The following PCDHA6 variants were observed in gnomAD, a reference collection of about 807,000 sequenced individuals.
PCDHA6 encodes the protein protocadherin alpha 6, also known as protocadherin alpha-6.
PCDHA6 carries 55 observed loss-of-function variants against 60.3 expected under a neutral mutation model. The ratio of observed to expected loss-of-function variants is 0.91; its 90% CI spans 0.73 to 1.14. The LOEUF is 1.14. PCDHA6 is among the 50% of genes most tolerant of loss of function. The pLI, the probability that PCDHA6 is intolerant of heterozygous loss-of-function variation, is 0.00. For missense variants in PCDHA6, 1,327 were observed against 1,256.5 expected (o/e 1.06, Z -0.85); for synonymous variants, 652 against 557.9 (o/e 1.17, Z -2.38).
At position 140,856,153 on chromosome 5, in the gene PCDHA6, C is replaced by G. The variant is rs1554148270; in HGVS notation, c.2394+25668C>G. 8 of 1,598,310 alleles carry G rather than the reference C, an allele frequency of 5.0e-6. 1 individual carries two copies. Among genetic ancestry groups the G allele is most frequent in the Non-Finnish European group, 6.9e-6 (8 of 1,167,862 alleles). On this transcript the variant is annotated intron_variant, in intron 1 of 3. Transcript: ENST00000529310. The stretch of plus-strand genomic sequence containing the variant: ...GCGGCCAGCTCCACTACTCAGTCTA[C>G]GAGGAGGCCAGACACGGCACCTTCG...
rs1215014992 is a variant in PCDHA6, at chr5:140,859,892, AT to A, written c.2394+29408del. 2.6e-5 allele frequency: 4 copies of A among 152,144 alleles called. No individual in the cohort carries two copies. The East Asian group carries it at 7.7e-4, about 29-fold the overall frequency. The allele number at this position is 152,144 out of a possible 1,614,324, so 9.4% of individuals were successfully genotyped here. On this transcript the variant is annotated intron_variant, in intron 1 of 3. Transcript: ENST00000529310. ...TCCCCCTCTGATATTTTGAAAAAAAATCTTCCTTAATGTCTTATATTATAAG... is the reference window on the plus strand; with the variant it reads ...TCCCCCTCTGATATTTTGAAAAAAAACTTCCTTAATGTCTTATATTATAAG...
At chr5:140,871,427 T>G (rs782140666) in intron 1 of PCDHA6, 3 of 1,613,326 alleles carry the variant, frequency 1.9e-6, no homozygotes, top group Non-Finnish European at 2.5e-6. Context: ...AGCCCCAGTC[T>G]TCCTCTAGGT....
intron 1 of PCDHA6, chr5:140,856,464 T>C (rs2044012633): frequency 1.3e-6 from 2 of 1,598,082 alleles, no homozygotes; most frequent in Non-Finnish European, 1.7e-6. Flanking sequence ...GAACAAAAGC[T>C]CTCAATACCT....
chr5:140,883,761 G>C, intron 1 of PCDHA6: 1 of 1,612,908 alleles, frequency 6.2e-7, no homozygotes, highest in Non-Finnish European at 8.5e-7. Flanking sequence ...GTGGAGCGGC[G>C]GGTGGGCGAG....
At chr5:140,838,074 TATAGTGTG>T (rs1468306192) in intron 1 of PCDHA6, among the ~76,000 whole-genome samples, 3 of 120,528 alleles carry the variant, frequency 2.5e-5, no homozygotes, top group Non-Finnish European at 3.4e-5. Context: ...GTTATATATA[TATAGTGTG>T]TGTGTGTGTG....
chr5:140,898,817 C>T (rs1381051036), intron 1 of PCDHA6, among the ~76,000 whole-genome samples: 1 of 151,766 alleles, frequency 6.6e-6, no homozygotes, highest in Admixed American at 6.6e-5. Context: ...TCTTCCTACC[C>T]ATGAGCATGG....
At chr5:140,842,503 C>T (rs2150337582) in intron 1 of PCDHA6, 40 of 1,613,818 alleles carry the variant, frequency 2.5e-5, no homozygotes, top group South Asian at 2.0e-4. Context: ...CCCATGTCCC[C>T]TTCAAGCTGG....
intron 1 of PCDHA6, among the ~76,000 whole-genome samples, chr5:140,831,468 T>C (rs1272624031): frequency 7.9e-6 from 1 of 126,066 alleles, no homozygotes; most frequent in African/African-American, 3.3e-5. Flanking sequence ...CAAGTGATTC[T>C]CTCACCTCAG....
chr5:140,892,555 T>C (rs1554185273), intron 1 of PCDHA6, among the ~76,000 whole-genome samples: 1 of 152,260 alleles, frequency 6.6e-6, no homozygotes, highest in African/African-American at 2.4e-5. Context: ...TCTCTAGTCC[T>C]TGGAGACTGT....
rs375481139 is a variant in PCDHA6 at position 140,894,977 on chromosome 5, C to T, written c.2394+64492C>T. ...AAAAATATAATTTTTTAATGTCTTA[C>T]TTTGTGACATCCTTTACCCTTTTTA... On this transcript the variant is annotated intron_variant, in intron 1 of 3. Coordinates refer to ENST00000529310, the MANE Select transcript of PCDHA6 (RefSeq NM_018909.4). Among the ~76,000 whole-genome samples the T allele has an allele frequency of 4.5e-4, 69 of 152,216 alleles. No homozygotes were observed. The South Asian group carries it at 0.014, about 30-fold the overall frequency.
At chr5:140,853,944 G>C (rs2042918286) in intron 1 of PCDHA6, 1 of 814,184 alleles carries the variant, frequency 1.2e-6, no homozygotes, top group Non-Finnish European at 1.5e-6. Context: ...CAAGGTGGGA[G>C]GGTCCCTTCC....
chr5:140,982,154 G>A (rs1304368371), intron 2 of PCDHA6, among the ~76,000 whole-genome samples: 3 of 152,210 alleles, frequency 2.0e-5, no homozygotes, highest in East Asian at 1.9e-4. Flanking sequence ...CTTCAGTATC[G>A]AGATGTTAAA....
intron 3 of PCDHA6, among the ~76,000 whole-genome samples, chr5:141,002,380 G>T (rs1284047266): frequency 2.0e-5 from 3 of 152,196 alleles, no homozygotes; most frequent in Non-Finnish European, 2.9e-5. Context: ...CTGGCTTAGG[G>T]CTCCTGCTGG....
intron 1 of PCDHA6, chr5:140,836,146 G>A (rs2150254083): frequency 6.2e-7 from 1 of 1,613,806 alleles, no homozygotes. Flanking sequence ...GTGGGCGCGG[G>A]CCATGTGGTG....
chr5:140,838,097 T>G (rs1554136886), intron 1 of PCDHA6, among the ~76,000 whole-genome samples: 1 of 147,214 alleles, frequency 6.8e-6, no homozygotes, highest in African/African-American at 2.6e-5. Context: ...TGTGTGTGTG[T>G]GTGTGTGTGT....
At chr5:140,960,515 A>G (rs1445432467) in intron 1 of PCDHA6, among the ~76,000 whole-genome samples, 1 of 152,182 alleles carries the variant, frequency 6.6e-6, no homozygotes, top group Non-Finnish European at 1.5e-5. Flanking sequence ...AGCAAACATA[A>G]TGGGTATAGG....
At chr5:140,894,740 A>AT (rs1157881854) in intron 1 of PCDHA6, among the ~76,000 whole-genome samples, 7 of 151,086 alleles carry the variant, frequency 4.6e-5, no homozygotes, top group Middle Eastern at 3.4e-3. Flanking sequence ...AATTTGTGGA[A>AT]TTTTTTTTCT....
chr5:140,961,236 T>C (rs246004), intron 1 of PCDHA6, among the ~76,000 whole-genome samples: 47,773 of 152,034 alleles, frequency 0.31, 7,861 homozygotes, highest in East Asian at 0.53. Context: ...AAAAAGGTGA[T>C]GGAATTTATC....
At chr5:140,980,350 G>T (rs1382723470) in intron 2 of PCDHA6, among the ~76,000 whole-genome samples, 1 of 152,128 alleles carries the variant, frequency 6.6e-6, no homozygotes, top group Admixed American at 6.5e-5. Context: ...TAACTTCCTG[G>T]ACTGGGCGCG....
Sources: gnomAD v4.1 joint callset for allele counts (sites outside exome capture counted in the v4.1 genomes callset) on GRCh38, gnomAD v4.1.1 for gene constraint, MANE v1.5 for transcripts, NCBI Gene and HGNC (gene_info 2026-07-23, HGNC 2026-07-21) for gene names.